PIEZO2: variants seen among roughly 807,000 people sequenced by gnomAD.
PIEZO2 encodes the protein piezo type mechanosensitive ion channel component 2.
PIEZO2 carries 172 observed loss-of-function variants against 337.3 expected under a neutral mutation model. The observed-to-expected ratio is 0.51, with a 90% CI of 0.45 to 0.58. The LOEUF is 0.58. PIEZO2 is among the 20% of genes least tolerant of loss of function. The probability of loss-of-function intolerance (pLI) is 0.00; values close to 1 mark genes in which losing one functional copy is unlikely to be tolerated. For missense variants in PIEZO2, 3,028 were observed against 3,391.3 expected (o/e 0.89, Z 2.66); for synonymous variants, 1,251 against 1,228.5 (o/e 1.02, Z -0.38).
chr18:10,829,079 G>A (rs2040764800), intron 7 of PIEZO2, among the ~76,000 whole-genome samples: 1 of 152,006 alleles, frequency 6.6e-6, no homozygotes. Context: ...TATTGCATTT[G>A]ATTGATATTA....
intron 3 of PIEZO2, among the ~76,000 whole-genome samples, chr18:10,939,940 T>TA (rs1397616872): frequency 5.2e-4 from 77 of 149,124 alleles, no homozygotes; most frequent in African/African-American, 1.7e-3. Context: ...AAAATAAAAT[T>TA]AAAAAAAAAA....
chr18:10,974,774 A>T (rs1336851885), intron 3 of PIEZO2, among the ~76,000 whole-genome samples: 1 of 152,152 alleles, frequency 6.6e-6, no homozygotes, highest in African/African-American at 2.4e-5. Context: ...GAAAAAGGGC[A>T]CCCTCTTGGA....
In PIEZO2 at chr18:10,813,222, G is replaced by A. The variant is rs1238834408; in HGVS notation, c.918-5948C>T. ...TCTCCAACTCCTGACCTCGTGATTTGCCCGCCTGGGCCTCCCAAAGTGCTG... is the reference window on the plus strand; with the variant it reads ...TCTCCAACTCCTGACCTCGTGATTTACCCGCCTGGGCCTCCCAAAGTGCTG... On this transcript the variant is annotated intron_variant, in intron 7 of 55. Transcript: ENST00000674853. The surrounding 1 kb of genome is among the most constrained non-coding windows in gnomAD (Gnocchi z 4.2). 6.6e-6 allele frequency among the ~76,000 whole-genome samples: 1 copy of A among 152,088 alleles called. No individual in the cohort carries two copies. The highest frequency in any genetic ancestry group is 1.5e-5 in the Non-Finnish European group (1 of 68,012).
At chr18:11,024,415 G>A (rs1312252150) in intron 2 of PIEZO2, among the ~76,000 whole-genome samples, 15 of 150,988 alleles carry the variant, frequency 9.9e-5, no homozygotes, top group Admixed American at 9.9e-4. Context: ...GCGTAGTGGC[G>A]GGCGCCTGTA....
At chr18:10,916,555 C>T (rs893748726) in intron 3 of PIEZO2, among the ~76,000 whole-genome samples, 54 of 152,280 alleles carry the variant, frequency 3.5e-4, no homozygotes, top group African/African-American at 1.1e-3. Context: ...CCAGGGCGTG[C>T]GGCACCAGCA....
intron 2 of PIEZO2, among the ~76,000 whole-genome samples, chr18:10,991,981 T>C (rs2035124393): frequency 6.6e-6 from 1 of 152,242 alleles, no homozygotes; most frequent in Non-Finnish European, 1.5e-5. Context: ...TAATGTCCAG[T>C]GATGATGAGC....
chr18:10,873,436 A>G (rs1328602464), intron 4 of PIEZO2, among the ~76,000 whole-genome samples: 1 of 152,148 alleles, frequency 6.6e-6, no homozygotes, highest in Non-Finnish European at 1.5e-5. Flanking sequence ...TTTCCCATGT[A>G]TGTATCCACA....
At chr18:10,725,114 T>TC in intron 36 of PIEZO2, 2 of 1,479,244 alleles carry the variant, frequency 1.4e-6, no homozygotes, top group South Asian at 2.3e-5. Flanking sequence ...AATCCACAGT[T>TC]CGAGTACCAG....
chr18:10,754,304 TG>T (rs1336283854), intron 27 of PIEZO2, among the ~76,000 whole-genome samples: 3 of 152,240 alleles, frequency 2.0e-5, no homozygotes, highest in African/African-American at 7.2e-5. Context: ...ATCAGGGCTC[TG>T]GCCACTTTCC....
chr18:10,690,448 G>A (rs1283922029), intron 48 of PIEZO2, among the ~76,000 whole-genome samples: 1 of 152,160 alleles, frequency 6.6e-6, no homozygotes, highest in African/African-American at 2.4e-5. Context: ...ACAGCAGTGT[G>A]GATTGCCACT....
At position 11,016,415 on chromosome 18, in the gene PIEZO2, C is replaced by A. The variant is rs2145688637; in HGVS notation, c.161-36755G>T. Among the ~76,000 whole-genome samples the A allele has an allele frequency of 6.6e-6, 1 of 152,232 alleles. No individual in the cohort carries two copies. The highest frequency in any genetic ancestry group is 2.1e-4 in the South Asian group (1 of 4,820). ...GGAGGGCACTGACAACACAGAGGAA[C>A]CAAAACCCAGACAATTCCCTTCAGG... is the stretch of plus-strand genomic sequence containing the variant. On this transcript the variant is annotated intron_variant, in intron 2 of 55. Coordinates refer to ENST00000674853, the MANE Select transcript of PIEZO2 (RefSeq NM_001378183.1). This position sits in a 1 kb window ranked among gnomAD's most constrained non-coding sequence, Gnocchi z 5.6.
In PIEZO2 at chr18:11,016,402, C is replaced by T. The variant is rs545608394; in HGVS notation, c.161-36742G>A. Among the ~76,000 whole-genome samples, 6 of 152,162 alleles carry T rather than the reference C, an allele frequency of 3.9e-5. No individual in the cohort carries two copies. The highest frequency in any genetic ancestry group is 5.9e-5 in the Non-Finnish European group (4 of 68,036). On this transcript the variant is annotated intron_variant, in intron 2 of 55. Transcript: ENST00000674853. The surrounding 1 kb of genome is among the most constrained non-coding windows in gnomAD (Gnocchi z 5.6). Reference sequence around the variant, plus strand: ...CAGAAAGGAGGCTGGAGGGCACTGACAACACAGAGGAACCAAAACCCAGAC... The same window carrying T: ...CAGAAAGGAGGCTGGAGGGCACTGATAACACAGAGGAACCAAAACCCAGAC...
chr18:11,089,039 G>A (rs894259540), intron 1 of PIEZO2, among the ~76,000 whole-genome samples: 3 of 152,164 alleles, frequency 2.0e-5, no homozygotes, highest in Non-Finnish European at 4.4e-5. Flanking sequence ...GCAGTTATCA[G>A]TCTGTCTAGG....
rs1431885586 is a variant in PIEZO2, at chr18:10,943,796, A to C, written c.287-32568T>G. ...TAGTTCTGTGTCTCCATACAGAGAT[A>C]TGTGAGAGTTGCAGAAGGGACCCGG... is the stretch of plus-strand genomic sequence containing the variant. On this transcript the variant is annotated intron_variant, in intron 3 of 55. Transcript: ENST00000674853. This position sits in a 1 kb window ranked among gnomAD's most constrained non-coding sequence, Gnocchi z 4.5. Among the ~76,000 whole-genome samples the C allele has an allele frequency of 6.6e-6, 1 of 152,078 alleles. No homozygotes were observed. The highest frequency in any genetic ancestry group is 1.5e-5 in the Non-Finnish European group (1 of 67,968).
In PIEZO2 at chr18:11,105,485, G is replaced by A. The variant is rs1255943081; in HGVS notation, c.65-39263C>T. On this transcript the variant is annotated intron_variant, in intron 1 of 55. Transcript: ENST00000674853. This position sits in a 1 kb window ranked among gnomAD's most constrained non-coding sequence, Gnocchi z 4.3. ...TCCACACTTCAAACTACCACGTGGT[G>A]AGAATCCCAGCACAGCTTATCTCAT... Among the ~76,000 whole-genome samples the A allele has an allele frequency of 6.6e-6, 1 of 152,090 alleles. No individual in the cohort carries two copies. Among genetic ancestry groups the A allele is most frequent in the Non-Finnish European group, 1.5e-5 (1 of 68,036 alleles).
rs2035554832 is a variant in PIEZO2, at chr18:11,001,928, AG to A, written c.161-22269del. Among the ~76,000 whole-genome samples, 1 of 150,910 alleles carries A rather than the reference AG, an allele frequency of 6.6e-6. No individual in the cohort carries two copies. Among genetic ancestry groups the A allele is most frequent in the Admixed American group, 6.6e-5 (1 of 15,128 alleles). On this transcript the variant is annotated intron_variant, in intron 2 of 55. Coordinates refer to ENST00000674853, the MANE Select transcript of PIEZO2 (RefSeq NM_001378183.1). The surrounding 1 kb of genome is among the most constrained non-coding windows in gnomAD (Gnocchi z 5.3). ...GAAGAAGGAAGGAAGGAAGGAAGGA[AG>A]GAAGGAAGGAAGGAAGGAAGAAAAA...
chr18:10,826,827 C>G (rs556768908), intron 7 of PIEZO2, among the ~76,000 whole-genome samples: 13 of 152,260 alleles, frequency 8.5e-5, no homozygotes, highest in African/African-American at 2.6e-4. Flanking sequence ...ATGTCACCAC[C>G]CTAAAATATT....
In PIEZO2 at chr18:10,993,987, T is replaced by C. The variant is rs1470933346; in HGVS notation, c.161-14327A>G. Among the ~76,000 whole-genome samples the C allele has an allele frequency of 1.3e-5, 2 of 151,738 alleles. No individual in the cohort carries two copies. Among genetic ancestry groups the C allele is most frequent in the African/African-American group, 2.4e-5 (1 of 41,010 alleles). On this transcript the variant is annotated intron_variant, in intron 2 of 55. Transcript: ENST00000674853. This position sits in a 1 kb window ranked among gnomAD's most constrained non-coding sequence, Gnocchi z 5.0. ...AAGTATACACTGAAGCCAATTTGTA[T>C]GCTTTTATCCCTCGCCCCTTCCCAC...
intron 26 of PIEZO2, 146 bp from the exon 27 acceptor site, chr18:10,758,280 G>T: frequency 1.0e-6 from 1 of 959,542 alleles, no homozygotes; most frequent in Non-Finnish European, 1.5e-6. Context: ...TCATCCTGGA[G>T]TCCAATGTCG....
Sources: gnomAD v4.1 joint callset for allele counts (sites outside exome capture counted in the v4.1 genomes callset) on GRCh38, gnomAD v4.1.1 for gene constraint, Gnocchi (gnomAD v3.1) non-coding constraint, MANE v1.5 for transcripts, NCBI Gene and HGNC (gene_info 2026-07-23, HGNC 2026-07-21) for gene names.